RAP1GAP2: variants seen among roughly 807,000 people sequenced by gnomAD.
RAP1GAP2 encodes rap1 GTPase-activating protein 2.
In RAP1GAP2, 27 loss-of-function variants were observed where a neutral mutation model predicts 95.0. The ratio of observed to expected loss-of-function variants is 0.28; its 90% CI spans 0.21 to 0.39. RAP1GAP2 has a LOEUF of 0.39. RAP1GAP2 is among the 10% of genes least tolerant of loss of function. RAP1GAP2 has a pLI of 1.00. For synonymous variants in RAP1GAP2, 373 were observed against 380.9 expected (o/e 0.98, Z 0.24); for missense variants, 771 against 970.0 (o/e 0.79, Z 2.72).
intron 3 of RAP1GAP2, among the ~76,000 whole-genome samples, chr17:2,923,900 G>C (rs1472884348): frequency 6.6e-6 from 1 of 152,176 alleles, no homozygotes; most frequent in East Asian, 1.9e-4. Flanking sequence ...AGATCACACT[G>C]TTTGTGCTCC....
At chr17:2,890,091 G>A (rs1190702779) in intron 2 of RAP1GAP2, among the ~76,000 whole-genome samples, 5 of 151,508 alleles carry the variant, frequency 3.3e-5, no homozygotes, top group Non-Finnish European at 7.4e-5. Context: ...GTCCCTGGGA[G>A]CCAAATCACT....
chr17:2,888,495 C>T (rs1051785079), intron 2 of RAP1GAP2, among the ~76,000 whole-genome samples: 3 of 152,080 alleles, frequency 2.0e-5, no homozygotes, highest in South Asian at 4.1e-4. Context: ...TTAGCTTCTA[C>T]GTTTGCATGA....
Position 2,797,664 on chromosome 17 carries a change from A to T in RAP1GAP2, c.44+1093A>T. ...GCCATCCATCCTCTGGCAGGGGGGG[A>T]CTGTGGGCACTCCATGTTTGGCAGA... On this transcript the variant is annotated intron_variant, in intron 1 of 24. Transcript: ENST00000254695. This position sits in a 1 kb window ranked among gnomAD's most constrained non-coding sequence, Gnocchi z 5.6. 1 of 980,514 alleles carries T rather than the reference A, an allele frequency of 1.0e-6. No individual in the cohort carries two copies. Among genetic ancestry groups the T allele is most frequent in the Non-Finnish European group, 1.2e-6 (1 of 826,454 alleles). The allele number at this position is 980,514 out of a possible 1,614,324, so 60.7% of individuals were successfully genotyped here. A position where few individuals can be genotyped will look rare whatever the true frequency, so the allele number is the denominator to read the frequency against.
intron 2 of RAP1GAP2, among the ~76,000 whole-genome samples, chr17:2,885,913 G>A (rs2073479335): frequency 6.6e-6 from 1 of 152,154 alleles, no homozygotes; most frequent in Admixed American, 6.5e-5. Context: ...AGGTGACCAG[G>A]GCAGCTGGAA....
intron 3 of RAP1GAP2, among the ~76,000 whole-genome samples, chr17:2,932,843 A>AAG (rs1567793573): frequency 2.5e-3 from 20 of 8,054 alleles, no homozygotes; most frequent in African/African-American, 7.6e-3. Flanking sequence ...AAAAAAAAAA[A>AAG]GAGCAGGGAC....
intron 2 of RAP1GAP2, among the ~76,000 whole-genome samples, chr17:2,809,711 T>C (rs2069674420): frequency 6.6e-6 from 1 of 152,124 alleles, no homozygotes; most frequent in South Asian, 2.1e-4. Context: ...GAAGAATTGC[T>C]CCCACTTGGC....
At chr17:3,011,515 T>G (rs773387466) in intron 17 of RAP1GAP2, among the ~76,000 whole-genome samples, 1 of 151,896 alleles carries the variant, frequency 6.6e-6, no homozygotes, top group Non-Finnish European at 1.5e-5. Context: ...GCTTAGGGAG[T>G]TCACCCACAC....
chr17:2,848,601 G>C (rs1049745479), intron 2 of RAP1GAP2, among the ~76,000 whole-genome samples: 1 of 151,270 alleles, frequency 6.6e-6, no homozygotes, highest in African/African-American at 2.4e-5. Context: ...TACAACCTCC[G>C]CCTCTGGGCT....
chr17:2,986,769 A>G (rs762823843), intron 11 of RAP1GAP2, among the ~76,000 whole-genome samples: 18 of 152,168 alleles, frequency 1.2e-4, no homozygotes, highest in Non-Finnish European at 1.3e-4. Context: ...CAGGATCAAA[A>G]TAATGGCAAT....
At chr17:2,778,518 T>A (rs1320411761) in intron 1 of RAP1GAP2, among the ~76,000 whole-genome samples, 1 of 152,100 alleles carries the variant, frequency 6.6e-6, no homozygotes, top group African/African-American at 2.4e-5. Context: ...GCAGCTCTCC[T>A]CACCCTCTTT....
chr17:2,965,205 C>A lies in RAP1GAP2; in HGVS notation c.493-335C>A, dbSNP rs1597741551. On this transcript the variant is annotated intron_variant, in intron 7 of 24. Coordinates refer to ENST00000254695, the MANE Select transcript of RAP1GAP2 (RefSeq NM_015085.5). The surrounding 1 kb of genome is among the most constrained non-coding windows in gnomAD (Gnocchi z 4.7). ...GTCAAGACAGCTGTGCGTTTGAACC[C>A]TGGATCTGTCCCTTACTCATCGTGT... 22 of 290,562 alleles carry A rather than the reference C, an allele frequency of 7.6e-5. No homozygotes were observed. In the East Asian group the frequency reaches 1.6e-3, roughly 21 times the overall value. 18.0% of individuals were successfully genotyped at this position (290,562 alleles called of 1,614,324 possible). A position where few individuals can be genotyped will look rare whatever the true frequency, so the allele number is the denominator to read the frequency against.
At chr17:2,944,721 G>A (rs1237278941) in intron 3 of RAP1GAP2, among the ~76,000 whole-genome samples, 1 of 152,052 alleles carries the variant, frequency 6.6e-6, no homozygotes, top group East Asian at 1.9e-4. Context: ...ACTTTGAATG[G>A]TACTGCCACC....
chr17:3,006,842 G>GT (rs1235216699), intron 16 of RAP1GAP2, among the ~76,000 whole-genome samples: 1 of 152,104 alleles, frequency 6.6e-6, no homozygotes, highest in African/African-American at 2.4e-5. Flanking sequence ...AGGGTAGTCG[G>GT]GGGGTGGGGC....
At chr17:2,908,056 C>T (rs1280219037) in intron 3 of RAP1GAP2, among the ~76,000 whole-genome samples, 4 of 152,014 alleles carry the variant, frequency 2.6e-5, no homozygotes, top group African/African-American at 4.8e-5. Context: ...GCGCCCGCCT[C>T]GGCCTCCCAA....
intron 1 of RAP1GAP2, among the ~76,000 whole-genome samples, chr17:2,785,904 T>TC (rs2068760203): frequency 6.7e-6 from 1 of 149,760 alleles, no homozygotes; most frequent in Non-Finnish European, 1.5e-5. Context: ...TATGACTTTT[T>TC]TTTTTTTTTT....
chr17:2,879,937 C>T (rs1021802405), intron 2 of RAP1GAP2, among the ~76,000 whole-genome samples: 4 of 152,084 alleles, frequency 2.6e-5, no homozygotes, highest in African/African-American at 4.8e-5. Flanking sequence ...CCCAAGAGAC[C>T]GCAGGGTCCT....
intron 2 of RAP1GAP2, among the ~76,000 whole-genome samples, chr17:2,890,568 G>A (rs576424990): frequency 6.6e-6 from 1 of 152,198 alleles, no homozygotes; most frequent in African/African-American, 2.4e-5. Context: ...ACTGTGAGAC[G>A]GGGCTCCTTT....
At chr17:2,901,923 C>T (rs536578268) in intron 2 of RAP1GAP2, among the ~76,000 whole-genome samples, 1 of 152,138 alleles carries the variant, frequency 6.6e-6, no homozygotes, top group Admixed American at 6.5e-5. Context: ...AGGCTAGAAC[C>T]TGGGGCCTGG....
At chr17:2,823,915 A>G (rs1224479338) in intron 2 of RAP1GAP2, among the ~76,000 whole-genome samples, 1 of 150,050 alleles carries the variant, frequency 6.7e-6, no homozygotes, top group Non-Finnish European at 1.5e-5. Flanking sequence ...CGAGGTCAGG[A>G]GATCGAGACC....
Sources: allele counts gnomAD v4.1 joint callset (sites outside exome capture counted in the v4.1 genomes callset), GRCh38; gene constraint gnomAD v4.1.1; non-coding constraint Gnocchi (gnomAD v3.1); transcripts MANE v1.5; gene names NCBI Gene and HGNC (gene_info 2026-07-23, HGNC 2026-07-21).